Variants in RARB observed in about 807,000 individuals in gnomAD.
The protein encoded by RARB is HBV-activated protein.
A neutral mutation model predicts 51.9 loss-of-function variants in RARB; 17 were observed. The observed-to-expected ratio is 0.33, with a 90% CI of 0.22 to 0.49. The LOEUF is 0.49. Ranked by LOEUF, RARB falls within the 20% of genes least tolerant of loss-of-function variation. The pLI, the probability that RARB is intolerant of heterozygous loss-of-function variation, is 0.99. For missense variants in RARB, 369 were observed against 550.8 expected (o/e 0.67, Z 3.30); for synonymous variants, 215 against 195.4 (o/e 1.10, Z -0.84).
chr3:25,188,400 G>A (rs983670687), intron 5 of RARB, among the ~76,000 whole-genome samples: 2 of 151,932 alleles, frequency 1.3e-5, no homozygotes, highest in Non-Finnish European at 2.9e-5. Context: ...AATTGTATTC[G>A]GCTGAACCAA....
intron 5 of RARB, among the ~76,000 whole-genome samples, chr3:25,370,794 A>C (rs1469963863): frequency 6.6e-6 from 1 of 152,234 alleles, no homozygotes; most frequent in Admixed American, 6.5e-5. Flanking sequence ...GCTGGCGTCA[A>C]ACAACAGAAA....
chr3:25,054,460 C>G (rs1000132979), intron 2 of RARB, among the ~76,000 whole-genome samples: 2 of 152,124 alleles, frequency 1.3e-5, no homozygotes, highest in African/African-American at 4.8e-5. Context: ...CGCAGGAGAG[C>G]TGTGGAGATG....
At chr3:24,877,634 A>G (rs906428975) in intron 2 of RARB, among the ~76,000 whole-genome samples, 10 of 152,120 alleles carry the variant, frequency 6.6e-5, no homozygotes, top group Non-Finnish European at 1.2e-4. Flanking sequence ...GTATAAACCT[A>G]CATGCTGAAG....
intron 2 of RARB, among the ~76,000 whole-genome samples, chr3:24,943,935 G>A (rs1407274943): frequency 6.6e-6 from 1 of 152,198 alleles, no homozygotes; most frequent in Non-Finnish European, 1.5e-5. Context: ...AAGTGAAAGT[G>A]AGGAGGGGAA....
chr3:25,402,767 C>G (rs2078269972), intron 5 of RARB, among the ~76,000 whole-genome samples: 1 of 151,930 alleles, frequency 6.6e-6, no homozygotes, highest in Non-Finnish European at 1.5e-5. Context: ...CAATTGAACT[C>G]ATGGCCATAG....
chr3:24,956,642 A>G (rs887632937), intron 2 of RARB, among the ~76,000 whole-genome samples: 11 of 152,198 alleles, frequency 7.2e-5, no homozygotes, highest in African/African-American at 2.4e-4. Context: ...ACTATTTGCC[A>G]AAAATGACTA....
chr3:25,140,876 A>T (rs987234781), intron 4 of RARB, among the ~76,000 whole-genome samples: 2 of 152,174 alleles, frequency 1.3e-5, no homozygotes, highest in Non-Finnish European at 2.9e-5. Flanking sequence ...AAAGGTTATG[A>T]CTCACTGAAG....
intron 3 of RARB, among the ~76,000 whole-genome samples, chr3:25,083,810 C>G (rs1338111805): frequency 6.6e-6 from 1 of 152,070 alleles, no homozygotes; most frequent in African/African-American, 2.4e-5. Flanking sequence ...ACTGGACTTT[C>G]AACTTGGTTT....
At chr3:25,540,863 C>T (rs2125654927) in intron 3 of RARB, among the ~76,000 whole-genome samples, 2 of 148,834 alleles carry the variant, frequency 1.3e-5, no homozygotes, top group South Asian at 4.2e-4. Context: ...AGGGCTCATT[C>T]AGGTCATGGT....
Position 25,596,405 on chromosome 3 carries a change from A to C in RARB, c.1151-15A>C. On this transcript the variant is annotated splice_polypyrimidine_tract_variant and intron_variant, in intron 7 of 7. Coordinates refer to ENST00000330688, the MANE Select transcript of RARB (RefSeq NM_000965.5). ...TCCTTATCTTAACCATATTTCCATTATCTCTTTTGAAAAGGTGCAGAGCGT... is the reference window on the plus strand; with the variant it reads ...TCCTTATCTTAACCATATTTCCATTCTCTCTTTTGAAAAGGTGCAGAGCGT... 1 of 1,591,224 alleles carries C rather than the reference A, an allele frequency of 6.3e-7. No individual in the cohort carries two copies. Among genetic ancestry groups the C allele is most frequent in the South Asian group, 1.1e-5 (1 of 90,162 alleles).
At chr3:25,590,272 G>C (rs1481831598) in intron 5 of RARB, among the ~76,000 whole-genome samples, 1 of 152,224 alleles carries the variant, frequency 6.6e-6, no homozygotes, top group African/African-American at 2.4e-5. Flanking sequence ...AGAAACATTT[G>C]AGGGCTGCAG....
At chr3:25,173,355 A>G (rs556543974) in intron 4 of RARB, among the ~76,000 whole-genome samples, 3 of 152,212 alleles carry the variant, frequency 2.0e-5, no homozygotes, top group Non-Finnish European at 1.5e-5. Flanking sequence ...TAGTTCTTAC[A>G]TTAGTGCCTG....
chr3:25,101,100 G>A (rs1382285708), intron 3 of RARB, among the ~76,000 whole-genome samples: 1 of 152,144 alleles, frequency 6.6e-6, no homozygotes, highest in Admixed American at 6.6e-5. Context: ...ATCATTTAAA[G>A]AGACTTTTGT....
At chr3:25,510,162 A>G (rs1355700745) in intron 3 of RARB, among the ~76,000 whole-genome samples, 1 of 152,198 alleles carries the variant, frequency 6.6e-6, no homozygotes, top group Non-Finnish European at 1.5e-5. Context: ...AGAGAGGGTA[A>G]GAGACCTGCC....
At chr3:25,369,933 T>C (rs1250574008) in intron 5 of RARB, among the ~76,000 whole-genome samples, 1 of 150,336 alleles carries the variant, frequency 6.7e-6, no homozygotes, top group Non-Finnish European at 1.5e-5. Context: ...AAAAAAAAGA[T>C]GTTCACTTTC....
chr3:25,378,185 G>C (rs192066117), intron 5 of RARB, among the ~76,000 whole-genome samples: 2 of 152,052 alleles, frequency 1.3e-5, no homozygotes, highest in East Asian at 3.9e-4. Context: ...ACAAGACTCG[G>C]GCATGCATGC....
intron 2 of RARB, among the ~76,000 whole-genome samples, chr3:25,477,273 C>G (rs1041316205): frequency 7.2e-5 from 11 of 152,192 alleles, no homozygotes; most frequent in African/African-American, 2.4e-4. Context: ...CTGTATCTTC[C>G]TAGCTGCCTA....
intron 1 of RARB, among the ~76,000 whole-genome samples, chr3:25,434,762 G>A (rs139002538): frequency 0.027 from 4,055 of 151,662 alleles, 185 homozygotes; most frequent in African/African-American, 0.092. Context: ...GGATGGTCTC[G>A]ATCTCCTGAC....
rs35856686 is a variant in RARB, at chr3:25,506,252, C to CAAAA, written c.448+4950_448+4953dup. Among the ~76,000 whole-genome samples the CAAAA allele has an allele frequency of 9.5e-3, 548 of 57,768 alleles. 5 individuals carry two copies. Among genetic ancestry groups the CAAAA allele is most frequent in the Non-Finnish European group, 0.015 (480 of 31,686 alleles). 37.9% of individuals were successfully genotyped at this position (57,768 alleles called of 152,430 possible). On this transcript the variant is annotated intron_variant, in intron 3 of 7. Coordinates refer to ENST00000330688, the MANE Select transcript of RARB (RefSeq NM_000965.5). The stretch of plus-strand genomic sequence containing the variant: ...TGGGCGACAGGGTGAGACTCCATCT[C>CAAAA]AAAAAAAAAAAAAAAAAAAAAAAAC...
Sources: allele counts gnomAD v4.1 joint callset (sites outside exome capture counted in the v4.1 genomes callset), GRCh38; gene constraint gnomAD v4.1.1; transcripts MANE v1.5; gene names NCBI Gene and HGNC (gene_info 2026-07-23, HGNC 2026-07-21).